Variants in HPD observed in about 807,000 individuals in gnomAD.
HPD encodes 4-hydroxyphenylpyruvic acid oxidase.
HPD carries 35 observed loss-of-function variants against 56.9 expected under a neutral mutation model. That is an observed-to-expected ratio of 0.62 (90% CI 0.47 to 0.82). HPD has a LOEUF of 0.82. Ranked by LOEUF, HPD falls within the 40% of genes least tolerant of loss-of-function variation. HPD has a pLI of 0.00. For synonymous variants in HPD, 186 were observed against 200.2 expected (o/e 0.93, Z 0.60); for missense variants, 442 against 506.8 (o/e 0.87, Z 1.23).
chr12:121,843,630 G>A lies in HPD; in HGVS notation c.954+80C>T. 3.2e-6 allele frequency: 5 copies of A among 1,554,798 alleles called. No individual in the cohort carries two copies. In the South Asian group the frequency reaches 4.5e-5, roughly 14 times the overall value. ...GGACTTGGTCTGGGCTCCCCTCCGG[G>A]CTGAGACAATATTTCTGAAAAGATG... On this transcript the variant is annotated intron_variant, in intron 12 of 13. Transcript: ENST00000289004.
Position 121,854,737 on chromosome 12 carries a change from T to C in HPD, c.380A>G (p.Lys127Arg). The C allele has an allele frequency of 1.2e-6, 2 of 1,614,072 alleles. No homozygotes were observed. Among genetic ancestry groups the C allele is most frequent in the East Asian group, 2.2e-5 (1 of 44,882 alleles). ...CACAGCAAACTTCACCTTCCCAAAC[T>C]TGTCTTGCTCTACCCAGGGCTCCCG... ...IMREPWVEQD[K>R]FGKVKFAVLQ... Residue 127 changes from lysine (K) to arginine (R), a missense_variant, in exon 7 of 14, where the codon AAG becomes AGG. By Grantham distance (26) the Lys-to-Arg change is conservative. Coordinates refer to ENST00000289004, the MANE Select transcript of HPD (RefSeq NM_002150.3).
At chr12:121,869,152 C>G in the HPD span, among the ~76,000 whole-genome samples, 2 of 151,888 alleles carry the variant, frequency 1.3e-5, no homozygotes, top group African/African-American at 4.8e-5. Flanking sequence ...GAGTTCGAGA[C>G]CAGCCTGGCC....
intron 11 of HPD, among the ~76,000 whole-genome samples, chr12:121,845,119 A>G (rs548606042): frequency 6.7e-6 from 1 of 148,480 alleles, no homozygotes; most frequent in Admixed American, 6.6e-5. Context: ...ACACACACAT[A>G]TATATATTTG....
the HPD span, among the ~76,000 whole-genome samples, chr12:121,868,868 A>G: frequency 1.3e-5 from 2 of 152,130 alleles, no homozygotes; most frequent in African/African-American, 4.8e-5. Context: ...TTATTGAGCT[A>G]TAAGAGTTCT....
chr12:121,879,482 G>C, the HPD span, among the ~76,000 whole-genome samples: 454 of 148,014 alleles, frequency 3.1e-3, 3 homozygotes, highest in African/African-American at 0.011. Flanking sequence ...TTTCTCTTCT[G>C]TTCTCTTCTC....
intron 1 of HPD, 50 bp from the exon 2 acceptor site, chr12:121,858,763 G>A: frequency 1.2e-6 from 2 of 1,613,728 alleles, no homozygotes; most frequent in Non-Finnish European, 1.7e-6. Context: ...AACACAAGGT[G>A]CTTCTGGAAG....
rs35593190 is a variant in HPD, at chr12:121,858,054, AG to A, written c.31-236del. ...CAGGAGGCCTGCCAAGGTTTCACAC[AG>A]GGAAATAGACTTATGTTGCAGCAAT... On this transcript the variant is annotated intron_variant, in intron 2 of 13. Coordinates refer to ENST00000289004, the MANE Select transcript of HPD (RefSeq NM_002150.3). Among the ~76,000 whole-genome samples the A allele has an allele frequency of 0.33, 49,664 of 152,112 alleles. 9,802 individuals carry two copies. The highest frequency in any genetic ancestry group is 0.58 in the East Asian group (2,990 of 5,154).
Position 121,839,662 on chromosome 12 carries a change from G to A in HPD, c.*66C>T. ...CCCAAGGGGAGCAGCCAGTAGGGAA[G>A]TTGGGCGAGTTCCAGAATCAGGGGG... is the stretch of plus-strand genomic sequence containing the variant. On this transcript the variant is annotated 3_prime_UTR_variant, in exon 14 of 14. Transcript: ENST00000289004. 8.4e-7 allele frequency: 1 copy of A among 1,195,496 alleles called. No homozygotes were observed. Among genetic ancestry groups the A allele is most frequent in the Non-Finnish European group, 1.2e-6 (1 of 801,838 alleles). The allele number at this position is 1,195,496 out of a possible 1,614,324, so 74.1% of individuals were successfully genotyped here. A position where few individuals can be genotyped will look rare whatever the true frequency, so the allele number is the denominator to read the frequency against.
upstream of HPD, among the ~76,000 whole-genome samples, chr12:121,866,237 C>T (rs1215638754): frequency 2.7e-5 from 4 of 148,310 alleles, no homozygotes; most frequent in Non-Finnish European, 5.9e-5. Flanking sequence ...GGAGGCAGAG[C>T]TTGCAGTGAG....
the HPD span, among the ~76,000 whole-genome samples, chr12:121,884,333 T>C: frequency 2.0e-5 from 3 of 152,154 alleles, no homozygotes; most frequent in Admixed American, 2.0e-4. Context: ...CGGCTGATTT[T>C]TGTATTTTTA....
At chr12:121,855,610 G>A (rs183858376) in intron 6 of HPD, among the ~76,000 whole-genome samples, 321 of 151,812 alleles carry the variant, frequency 2.1e-3, no homozygotes, top group African/African-American at 6.8e-3. Context: ...CCAGCTACTC[G>A]GGAGGCTGAG....
chr12:121,864,480 G>C (rs1170120531), upstream of HPD, among the ~76,000 whole-genome samples: 1 of 151,110 alleles, frequency 6.6e-6, no homozygotes, highest in Admixed American at 6.6e-5. Flanking sequence ...TTGAGCCCAG[G>C]AGCTTAAGAC....
intron 7 of HPD, among the ~76,000 whole-genome samples, chr12:121,851,699 A>T (rs1283686326): frequency 0.015 from 182 of 12,360 alleles, 5 homozygotes; most frequent in African/African-American, 0.026. Flanking sequence ...TTATTTATTT[A>T]TTTTTTTTTT....
At chr12:121,880,060 T>C in the HPD span, among the ~76,000 whole-genome samples, 1 of 151,778 alleles carries the variant, frequency 6.6e-6, no homozygotes, top group Non-Finnish European at 1.5e-5. Flanking sequence ...GGTGGGGGGA[T>C]TGCTTGAGCC....
chr12:121,856,943 G>C (rs1268924202), intron 4 of HPD: 2 of 515,130 alleles, frequency 3.9e-6, no homozygotes, highest in Non-Finnish European at 7.0e-6. Flanking sequence ...GCACCTGTGG[G>C]GTCAGTGTTG....
chr12:121,856,578 C>G lies in HPD; in HGVS notation c.241+5G>C, dbSNP rs752639260. The G allele has an allele frequency of 2.9e-5, 46 of 1,613,978 alleles. No homozygotes were observed. The highest frequency in any genetic ancestry group is 3.7e-5 in the Non-Finnish European group (44 of 1,179,972). The stretch of plus-strand genomic sequence containing the variant: ...CCATGCGTCCACCCTCCCCGGGCAC[C>G]TCACCTTTGTTCCAGGGGTTGAGCG... On this transcript the variant is annotated splice_donor_5th_base_variant and intron_variant, in intron 5 of 13. Coordinates refer to ENST00000289004, the MANE Select transcript of HPD (RefSeq NM_002150.3).
chr12:121,846,519 A>G (rs1449230455), intron 11 of HPD, among the ~76,000 whole-genome samples: 1 of 152,080 alleles, frequency 6.6e-6, no homozygotes, highest in Admixed American at 6.6e-5. Context: ...GCCCGGCCCT[A>G]ATTTCCTGAT....
At position 121,848,217 on chromosome 12, in the gene HPD, T is replaced by C. The variant is rs574225262; in HGVS notation, c.596+782A>G. On this transcript the variant is annotated intron_variant, in intron 9 of 13. Coordinates refer to ENST00000289004, the MANE Select transcript of HPD (RefSeq NM_002150.3). ...GGCCTCAAGTCCACTGGTCTCCATGTTGACAGTTTTACAGTGAATAAATGC... is the reference window on the plus strand; with the variant it reads ...GGCCTCAAGTCCACTGGTCTCCATGCTGACAGTTTTACAGTGAATAAATGC... Among the ~76,000 whole-genome samples, 16 of 152,244 alleles carry C rather than the reference T, an allele frequency of 1.1e-4. No individual in the cohort carries two copies. The East Asian group carries it at 2.5e-3, about 24-fold the overall frequency.
At position 121,848,950 on chromosome 12, in the gene HPD, C is replaced by T. The variant is rs780413992; in HGVS notation, c.596+49G>A. Reference sequence around the variant, plus strand: ...AAGGACCAGGGAGTGGGCCAGTCCACCGTGAGGACCCGTCATCTTCACGCA... The same window carrying T: ...AAGGACCAGGGAGTGGGCCAGTCCATCGTGAGGACCCGTCATCTTCACGCA... On this transcript the variant is annotated intron_variant, in intron 9 of 13. Coordinates refer to ENST00000289004, the MANE Select transcript of HPD (RefSeq NM_002150.3). 10 of 1,372,374 alleles carry T rather than the reference C, an allele frequency of 7.3e-6. No individual in the cohort carries two copies. In the South Asian group the frequency reaches 1.0e-4, roughly 14 times the overall value. 85.0% of individuals were successfully genotyped at this position (1,372,374 alleles called of 1,614,324 possible). A position where few individuals can be genotyped will look rare whatever the true frequency, so the allele number is the denominator to read the frequency against.
Sources: allele counts gnomAD v4.1 joint callset (sites outside exome capture counted in the v4.1 genomes callset), GRCh38; gene constraint gnomAD v4.1.1; transcripts MANE v1.5; gene names NCBI Gene and HGNC (gene_info 2026-07-23, HGNC 2026-07-21).